Variants in NTRK2 observed in about 807,000 individuals in gnomAD.
NTRK2 encodes the protein neurotrophic receptor tyrosine kinase 2, also known as BDNF/NT-3 growth factors receptor.
In NTRK2, 13 loss-of-function variants were observed where a neutral mutation model predicts 94.5. That is an observed-to-expected ratio of 0.14 (90% CI 0.09 to 0.22). The LOEUF (loss-of-function observed/expected upper bound fraction) is 0.22. Among genes scored for constraint, NTRK2 ranks in the 10% least tolerant of loss-of-function variants. The pLI is 1.00. For synonymous variants in NTRK2, 372 were observed against 407.4 expected (o/e 0.91, Z 1.05); for missense variants, 639 against 1,071.2 (o/e 0.60, Z 5.63).
chr9:84,820,540 C>T (rs2072738485), intron 12 of NTRK2, among the ~76,000 whole-genome samples: 1 of 152,196 alleles, frequency 6.6e-6, no homozygotes, highest in Non-Finnish European at 1.5e-5. Context: ...CTAGTATCTA[C>T]ATGTATTTTA....
intron 15 of NTRK2, among the ~76,000 whole-genome samples, chr9:84,940,321 C>G (rs943243791): frequency 1.3e-5 from 2 of 152,174 alleles, no homozygotes; most frequent in South Asian, 2.1e-4. Context: ...AAAGCTCACT[C>G]AAGATCTGAG....
intron 15 of NTRK2, 94 bp from the exon 16 acceptor site, chr9:84,948,368 C>A (rs1588018508): frequency 1.5e-6 from 2 of 1,328,034 alleles, no homozygotes; most frequent in East Asian, 4.9e-5. Context: ...GCTGTTTTCT[C>A]ATCTTTTGCC....
Position 85,025,143 on chromosome 9 carries a change from G to C in NTRK2, c.*3706G>C. On this transcript the variant is annotated 3_prime_UTR_variant, in exon 19 of 19. Coordinates refer to ENST00000277120, the MANE Select transcript of NTRK2 (RefSeq NM_006180.6). ...ACATCACACTTTTCAACTCTGTGCA[G>C]TACTGCATGGGTGGAAGACATATTT... 4.3e-6 allele frequency: 1 copy of C among 233,180 alleles called. No individual in the cohort carries two copies. Among genetic ancestry groups the C allele is most frequent in the Non-Finnish European group, 8.5e-6 (1 of 117,988 alleles). 14.4% of individuals were successfully genotyped at this position (233,180 alleles called of 1,614,324 possible).
At chr9:85,010,572 G>A (rs1214231629) in intron 17 of NTRK2, among the ~76,000 whole-genome samples, 1 of 152,200 alleles carries the variant, frequency 6.6e-6, no homozygotes, top group East Asian at 1.9e-4. Context: ...GCAGCGTGGT[G>A]TATTAGTACT....
chr9:84,877,142 T>A (rs145346724), intron 14 of NTRK2: 2 of 1,064,926 alleles, frequency 1.9e-6, no homozygotes, highest in Non-Finnish European at 2.3e-6. Context: ...CTCTGCCACT[T>A]CCTACATATT....
chr9:84,950,307 T>A (rs1391861955), intron 16 of NTRK2, among the ~76,000 whole-genome samples: 1 of 152,138 alleles, frequency 6.6e-6, no homozygotes, highest in Non-Finnish European at 1.5e-5. Context: ...CAGTGAGTGA[T>A]CTCCTGCATC....
At chr9:84,696,018 T>C (rs2060353202) in intron 2 of NTRK2, among the ~76,000 whole-genome samples, 1 of 152,122 alleles carries the variant, frequency 6.6e-6, no homozygotes. Context: ...GCAATTATTA[T>C]TATTATTTTA....
chr9:84,810,606 G>A (rs1287442166), intron 12 of NTRK2: 2 of 1,613,852 alleles, frequency 1.2e-6, no homozygotes, highest in East Asian at 2.2e-5. Flanking sequence ...GACAGAGAAA[G>A]GGGCTGTGGT....
chr9:84,744,419 C>T (rs2063890491), intron 10 of NTRK2, among the ~76,000 whole-genome samples: 1 of 152,158 alleles, frequency 6.6e-6, no homozygotes, highest in Non-Finnish European at 1.5e-5. Context: ...GCTTGTTCCA[C>T]ATATCCTCTT....
chr9:84,738,490 A>T (rs1219428842), intron 9 of NTRK2, among the ~76,000 whole-genome samples: 1 of 152,234 alleles, frequency 6.6e-6, no homozygotes, highest in African/African-American at 2.4e-5. Context: ...CATTGCCAGA[A>T]GTCTAAAAAG....
At chr9:84,979,603 T>G (rs1217304186) in intron 17 of NTRK2, among the ~76,000 whole-genome samples, 1 of 152,166 alleles carries the variant, frequency 6.6e-6, no homozygotes, top group Non-Finnish European at 1.5e-5. Flanking sequence ...ATAAATTGGG[T>G]TGATAAAGCA....
chr9:84,791,171 A>G (rs1025512686), intron 12 of NTRK2, among the ~76,000 whole-genome samples: 3 of 152,232 alleles, frequency 2.0e-5, no homozygotes, highest in African/African-American at 7.2e-5. Context: ...ATGACATTCA[A>G]AATGGCAACC....
At chr9:84,834,760 G>A (rs1305333595) in intron 12 of NTRK2, among the ~76,000 whole-genome samples, 1 of 152,116 alleles carries the variant, frequency 6.6e-6, no homozygotes, top group Non-Finnish European at 1.5e-5. Context: ...CATACACAGG[G>A]CCACCTTCAT....
chr9:84,721,172 T>G (rs1475070424), intron 6 of NTRK2, among the ~76,000 whole-genome samples: 1 of 134,488 alleles, frequency 7.4e-6, no homozygotes, highest in Non-Finnish European at 1.6e-5. Flanking sequence ...ATAATACTCA[T>G]AATAATCTTT....
chr9:84,743,556 G>A (rs1216997134), intron 10 of NTRK2, among the ~76,000 whole-genome samples: 2 of 152,140 alleles, frequency 1.3e-5, no homozygotes, highest in African/African-American at 4.8e-5. Flanking sequence ...TCTTGATATG[G>A]TTTAAAGGAA....
At chr9:84,836,908 A>C (rs1355789540) in intron 12 of NTRK2, among the ~76,000 whole-genome samples, 1 of 148,684 alleles carries the variant, frequency 6.7e-6, no homozygotes, top group Non-Finnish European at 1.5e-5. Context: ...AAAAGTGCAG[A>C]TAATAGATTG....
At chr9:84,872,374 G>A in intron 14 of NTRK2, 1 of 1,094,358 alleles carries the variant, frequency 9.1e-7, no homozygotes, top group South Asian at 4.0e-5. Flanking sequence ...AAGGGCAGGA[G>A]TGTGTTTTAT....
chr9:84,924,926 C>G (rs1268625705), intron 14 of NTRK2, among the ~76,000 whole-genome samples: 1 of 152,132 alleles, frequency 6.6e-6, no homozygotes, highest in Non-Finnish European at 1.5e-5. Flanking sequence ...TTGCAGCAGG[C>G]TATCTAGTCG....
chr9:84,856,642 T>G (rs1183874663), intron 12 of NTRK2, among the ~76,000 whole-genome samples: 2 of 152,082 alleles, frequency 1.3e-5, no homozygotes, highest in Admixed American at 6.6e-5. Context: ...CAAATGTCCT[T>G]TAGGGAGTGG....
Sources: gnomAD v4.1 joint callset for allele counts (sites outside exome capture counted in the v4.1 genomes callset) on GRCh38, gnomAD v4.1.1 for gene constraint, MANE v1.5 for transcripts, NCBI Gene and HGNC (gene_info 2026-07-23, HGNC 2026-07-21) for gene names.